LIPI: variants seen among roughly 807,000 people sequenced by gnomAD.
LIPI encodes lipase member I.
Under a neutral mutation model 50.6 loss-of-function variants are expected in LIPI, and 59 were observed. That is an observed-to-expected ratio of 1.16 (90% CI 0.94 to 1.45). The LOEUF is 1.45. Among genes scored for constraint, LIPI ranks in the 40% most tolerant of loss-of-function variants. The probability of loss-of-function intolerance (pLI) is 0.00; values close to 1 mark genes in which losing one functional copy is unlikely to be tolerated. For synonymous variants in LIPI, 203 were observed against 178.2 expected, an observed-to-expected ratio of 1.14 and a Z score of -1.11; for missense variants, 586 against 536.3, an observed-to-expected ratio of 1.09 and a Z score of -0.92.
At chr21:14,132,725 C>CA (rs149695328) in intron 9 of LIPI, among the ~76,000 whole-genome samples, 4,133 of 151,936 alleles carry the variant, frequency 0.027, 179 homozygotes, top group African/African-American at 0.091. Context: ...CAAAGTTCTT[C>CA]AAAAAGATAA....
intron 4 of LIPI, among the ~76,000 whole-genome samples, chr21:14,168,406 C>T (rs377173252): frequency 1.3e-5 from 2 of 152,126 alleles, no homozygotes; most frequent in South Asian, 4.2e-4. Flanking sequence ...CCAAGACACA[C>T]AATTGTCAGA....
chr21:14,163,726 C>T (rs556191710), intron 6 of LIPI, among the ~76,000 whole-genome samples: 1 of 152,022 alleles, frequency 6.6e-6, no homozygotes, highest in South Asian at 2.1e-4. Context: ...TCAGGATTCA[C>T]AAATAAATCT....
chr21:14,151,881 GC>G (rs914952473), intron 8 of LIPI, among the ~76,000 whole-genome samples: 6 of 152,012 alleles, frequency 3.9e-5, no homozygotes, highest in African/African-American at 1.2e-4. Flanking sequence ...TTGTTTGGGA[GC>G]CTTGTAGGTG....
chr21:14,171,536 G>C (rs931521738), intron 4 of LIPI, among the ~76,000 whole-genome samples: 5 of 150,086 alleles, frequency 3.3e-5, no homozygotes, highest in African/African-American at 1.2e-4. Context: ...CAATGGAACA[G>C]AACAGAGCTC....
chr21:14,204,953 C>A (rs2020183766), intron 1 of LIPI, among the ~76,000 whole-genome samples: 1 of 150,540 alleles, frequency 6.6e-6, no homozygotes. Flanking sequence ...ATAAACTAGA[C>A]AAAAGACAAA....
At chr21:14,156,123 T>C (rs1475780182) in intron 7 of LIPI, among the ~76,000 whole-genome samples, 1 of 152,036 alleles carries the variant, frequency 6.6e-6, no homozygotes, top group Non-Finnish European at 1.5e-5. Context: ...ATTGTAATTG[T>C]TGTAGGCCTC....
chr21:14,117,101 G>T (rs1368934412), intron 9 of LIPI, among the ~76,000 whole-genome samples: 1 of 152,166 alleles, frequency 6.6e-6, no homozygotes, highest in African/African-American at 2.4e-5. Context: ...GCCGTCCCTG[G>T]TCAGGACACA....
At chr21:14,130,216 T>G (rs1278805695) in intron 9 of LIPI, among the ~76,000 whole-genome samples, 1 of 152,150 alleles carries the variant, frequency 6.6e-6, no homozygotes, top group Non-Finnish European at 1.5e-5. Flanking sequence ...GGTGTGCACC[T>G]GTAACCCCAG....
chr21:14,155,099 GT>G (rs1469984853), intron 7 of LIPI, among the ~76,000 whole-genome samples: 1 of 151,978 alleles, frequency 6.6e-6, no homozygotes, highest in Non-Finnish European at 1.5e-5. Flanking sequence ...AAGAAAAAAA[GT>G]TGTAAAAGAA....
At position 14,144,709 on chromosome 21, in the gene LIPI, T is replaced by C. The variant is rs532653461; in HGVS notation, c.1209A>G (p.Thr403=). 2 of 1,574,176 alleles carry C rather than the reference T, an allele frequency of 1.3e-6. No homozygotes were observed. The highest frequency in any genetic ancestry group is 8.7e-7 in the Non-Finnish European group (1 of 1,144,040). ...ACTGCAGATTTGAGCTCTGGAAATATGTCAAACCAATGCTTGAAATATTTA... is the reference window on the plus strand; with the variant it reads ...ACTGCAGATTTGAGCTCTGGAAATACGTCAAACCAATGCTTGAAATATTTA... ...DFVNISSIGL[T]YFQSSNLQCS... is the part of the protein sequence containing the mutation. Residue 403 remains threonine, a synonymous_variant, in exon 9 of 10, where the codon ACA becomes ACG. Transcript: ENST00000681601.
intron 9 of LIPI, among the ~76,000 whole-genome samples, chr21:14,127,054 T>G (rs889737526): frequency 5.3e-5 from 8 of 152,230 alleles, no homozygotes; most frequent in Non-Finnish European, 1.2e-4. Flanking sequence ...TGAAGTCACC[T>G]CTGTCGTGCA....
chr21:14,198,457 T>C (rs1024133686), intron 1 of LIPI, among the ~76,000 whole-genome samples: 1 of 151,352 alleles, frequency 6.6e-6, no homozygotes, highest in African/African-American at 2.4e-5. Flanking sequence ...AGAAAAAAAA[T>C]AGGGGTTGCA....
At chr21:14,174,554 A>ATTTTATTTTG (rs1480997807) in intron 4 of LIPI, among the ~76,000 whole-genome samples, 3 of 151,030 alleles carry the variant, frequency 2.0e-5, no homozygotes, top group Non-Finnish European at 4.4e-5. Flanking sequence ...ATTTTATTTT[A>ATTTTATTTTG]TTTTATTTTA....
intron 3 of LIPI, among the ~76,000 whole-genome samples, chr21:14,185,161 T>C (rs375754004): frequency 2.0e-5 from 3 of 152,350 alleles, no homozygotes; most frequent in East Asian, 3.9e-4. Context: ...CCTTATTAGA[T>C]GACTGAGCTT....
chr21:14,174,120 C>T lies in LIPI; in HGVS notation c.643+7638G>A, dbSNP rs1485369679. Among the ~76,000 whole-genome samples, 3 of 152,254 alleles carry T rather than the reference C, an allele frequency of 2.0e-5. No homozygotes were observed. In the East Asian group the frequency reaches 5.8e-4, roughly 29 times the overall value. ...TGGAACTGTCATTTTCTCCAACCTG[C>T]CACTGAAGGAGACTCAAACCAACAG... is the stretch of plus-strand genomic sequence containing the variant. On this transcript the variant is annotated intron_variant, in intron 4 of 9. Coordinates refer to ENST00000681601, the MANE Select transcript of LIPI (RefSeq NM_001302998.2).
chr21:14,138,855 CTT>C (rs1422884254), intron 9 of LIPI, among the ~76,000 whole-genome samples: 1 of 152,030 alleles, frequency 6.6e-6, no homozygotes, highest in Non-Finnish European at 1.5e-5. Flanking sequence ...TTACATAACA[CTT>C]ATATGCCAGG....
intron 7 of LIPI, among the ~76,000 whole-genome samples, chr21:14,158,615 A>ATG (rs1052235505): frequency 1.3e-4 from 19 of 148,562 alleles, no homozygotes; most frequent in Non-Finnish European, 2.5e-4. Flanking sequence ...AAATATATAT[A>ATG]TGTGTGTGTA....
chr21:14,131,623 G>C (rs746699231), intron 9 of LIPI, among the ~76,000 whole-genome samples: 12 of 152,146 alleles, frequency 7.9e-5, no homozygotes, highest in Non-Finnish European at 1.5e-4. Context: ...CAGATGTGTA[G>C]ATATCAGTAG....
intron 9 of LIPI, among the ~76,000 whole-genome samples, chr21:14,129,490 A>T (rs1179071872): frequency 6.6e-6 from 1 of 152,092 alleles, no homozygotes; most frequent in African/African-American, 2.4e-5. Flanking sequence ...AAACTAAAAA[A>T]TTCTTAAGAT....
Sources: allele counts gnomAD v4.1 joint callset (sites outside exome capture counted in the v4.1 genomes callset), GRCh38; gene constraint gnomAD v4.1.1; transcripts MANE v1.5; gene names NCBI Gene and HGNC (gene_info 2026-07-23, HGNC 2026-07-21).